VWA3B: variants seen among roughly 807,000 people sequenced by gnomAD.
The protein encoded by VWA3B is von Willebrand factor A domain containing 3B.
In VWA3B, 138 loss-of-function variants were observed where a neutral mutation model predicts 158.3. That is an observed-to-expected ratio of 0.87 (90% CI 0.76 to 1.00). The LOEUF is 1.00. Ranked by LOEUF, VWA3B falls within the 50% of genes least tolerant of loss-of-function variation. The probability of loss-of-function intolerance (pLI) is 0.00; values close to 1 mark genes in which losing one functional copy is unlikely to be tolerated. For synonymous variants in VWA3B, 596 were observed against 587.3 expected, an observed-to-expected ratio of 1.01 and a Z score of -0.21; for missense variants, 1,555 against 1,565.1, an observed-to-expected ratio of 0.99 and a Z score of 0.11.
intron 19 of VWA3B, 30 bp downstream of exon 19, chr2:98,236,760 G>A (rs753942375): frequency 6.4e-7 from 1 of 1,570,790 alleles, no homozygotes; most frequent in Non-Finnish European, 8.6e-7. Context: ...GTCCCTACTT[G>A]AGGCCATTTT....
chr2:98,146,453 A>G (rs142117802), intron 7 of VWA3B, among the ~76,000 whole-genome samples: 19 of 152,258 alleles, frequency 1.2e-4, no homozygotes, highest in African/African-American at 4.3e-4. Flanking sequence ...GTTCCTGCAT[A>G]TAAGTTTGTT....
intron 8 of VWA3B, among the ~76,000 whole-genome samples, chr2:98,163,408 C>A (rs1032036788): frequency 1.3e-5 from 2 of 152,000 alleles, no homozygotes; most frequent in African/African-American, 2.4e-5. Flanking sequence ...TGTGGTGGCC[C>A]GTGCCTGTAA....
At chr2:98,244,733 A>G (rs971671213) in intron 19 of VWA3B, among the ~76,000 whole-genome samples, 1 of 152,210 alleles carries the variant, frequency 6.6e-6, no homozygotes, top group African/African-American at 2.4e-5. Flanking sequence ...GACACACAAC[A>G]AAACTGCAAT....
At position 98,125,561 on chromosome 2, in the gene VWA3B, C is replaced by G. The variant is rs1412950091; in HGVS notation, c.703-2678C>G. On this transcript the variant is annotated intron_variant, in intron 5 of 27. Coordinates refer to ENST00000477737, the MANE Select transcript of VWA3B (RefSeq NM_144992.5). The surrounding 1 kb of genome is among the most constrained non-coding windows in gnomAD (Gnocchi z 4.1). ...GAGATAATTCATTTTAGTTTATCAT[C>G]CCAAATAGCCAACAGTATTAAAGCC... 1.3e-5 allele frequency among the ~76,000 whole-genome samples: 2 copies of G among 152,244 alleles called. No individual in the cohort carries two copies. The highest frequency in any genetic ancestry group is 2.4e-5 in the African/African-American group (1 of 41,454).
At chr2:98,110,539 T>A (rs1674059804) in intron 2 of VWA3B, among the ~76,000 whole-genome samples, 1 of 152,218 alleles carries the variant, frequency 6.6e-6, no homozygotes, top group Non-Finnish European at 1.5e-5. Context: ...ATCTTCCTGG[T>A]TTTTTGAATG....
intron 8 of VWA3B, among the ~76,000 whole-genome samples, chr2:98,173,058 A>G (rs1192041409): frequency 6.6e-6 from 1 of 152,220 alleles, no homozygotes; most frequent in Non-Finnish European, 1.5e-5. Flanking sequence ...AGTGTACTAG[A>G]TGAAGACTAT....
intron 7 of VWA3B, among the ~76,000 whole-genome samples, chr2:98,160,129 C>A (rs545266518): frequency 1.6e-4 from 25 of 152,226 alleles, no homozygotes; most frequent in Middle Eastern, 6.8e-3. Flanking sequence ...TCCTGTGCCC[C>A]CATCGTCTTC....
In VWA3B at chr2:98,275,209, A is replaced by G. The variant is rs575709006; in HGVS notation, c.3045+4326A>G. On this transcript the variant is annotated intron_variant, in intron 22 of 27. Transcript: ENST00000477737. ...CTTGTAGGCATGCATACATATTTCA[A>G]TGAATAAATGAAAGAACAAACACAG... Among the ~76,000 whole-genome samples the G allele has an allele frequency of 2.6e-5, 4 of 152,380 alleles. No homozygotes were observed. The East Asian group carries it at 7.7e-4, about 29-fold the overall frequency.
intron 17 of VWA3B, among the ~76,000 whole-genome samples, chr2:98,235,601 T>G (rs1685629701): frequency 6.6e-6 from 1 of 152,196 alleles, no homozygotes; most frequent in African/African-American, 2.4e-5. Context: ...AATTTTTGTA[T>G]TTTTAGTAGA....
At chr2:98,298,443 T>TATTCTATTCTATTCTATTCC (rs1409392020) in intron 24 of VWA3B, among the ~76,000 whole-genome samples, 1 of 121,626 alleles carries the variant, frequency 8.2e-6, no homozygotes, top group African/African-American at 3.0e-5. Context: ...TATTCTATTC[T>TATTCTATTCTATTCTATTCC]ATGCCATGCC....
chr2:98,188,431 G>A (rs1681308521), intron 10 of VWA3B, among the ~76,000 whole-genome samples: 2 of 152,046 alleles, frequency 1.3e-5, no homozygotes, highest in Non-Finnish European at 2.9e-5. Flanking sequence ...CAGAGCTGCA[G>A]AATACCAGAG....
intron 2 of VWA3B, among the ~76,000 whole-genome samples, chr2:98,103,624 A>T (rs1034218163): frequency 6.6e-6 from 1 of 152,186 alleles, no homozygotes; most frequent in African/African-American, 2.4e-5. Context: ...AATTACATTG[A>T]GGTCAGAGAA....
At chr2:98,179,296 T>TA in intron 8 of VWA3B, 1 of 471,194 alleles carries the variant, frequency 2.1e-6, no homozygotes. Context: ...GCTTGTGTGA[T>TA]ATGCTGGCTT....
At chr2:98,201,744 GC>G (rs907159242) in intron 12 of VWA3B, among the ~76,000 whole-genome samples, 3 of 152,120 alleles carry the variant, frequency 2.0e-5, no homozygotes, top group Non-Finnish European at 4.4e-5. Context: ...CATCTGTTGA[GC>G]TTTTGATTTT....
rs758667473 is a variant in VWA3B, at chr2:98,311,847, T to G, written c.3550T>G (p.Phe1184Val). The G allele has an allele frequency of 6.2e-7, 1 of 1,611,168 alleles. No homozygotes were observed. Among genetic ancestry groups the G allele is most frequent in the East Asian group, 2.2e-5 (1 of 44,838 alleles). ...VEDVEARNSA[F>V]LFWPLKEADT... ...GGATGTGGAGGCGAGGAACTCTGCT[T>G]TCCTCTTCTGGCCACTGAAAGAAGC... The change falls in exon 27 of 28, where the codon TTC (phenylalanine) becomes GTC (valine). Residue 1184 changes from phenylalanine to valine, a missense_variant. Transcript: ENST00000477737.
At chr2:98,144,230 C>G (rs1033834984) in intron 7 of VWA3B, among the ~76,000 whole-genome samples, 4 of 152,040 alleles carry the variant, frequency 2.6e-5, no homozygotes, top group Non-Finnish European at 4.4e-5. Context: ...TCTATGGTCT[C>G]TAGCACACAG....
chr2:98,314,797 T>C (rs776816289), downstream of VWA3B, among the ~76,000 whole-genome samples: 1 of 151,912 alleles, frequency 6.6e-6, no homozygotes, highest in Non-Finnish European at 1.5e-5. Flanking sequence ...CCGAGGTGGG[T>C]GGATCACCTG....
At chr2:98,272,826 T>C (rs1457241834) in intron 22 of VWA3B, among the ~76,000 whole-genome samples, 2 of 152,240 alleles carry the variant, frequency 1.3e-5, no homozygotes, top group African/African-American at 4.8e-5. Context: ...TGGTCATAAA[T>C]GGACCAATGC....
Position 98,211,638 on chromosome 2 carries a change from A to G in VWA3B, c.1738-292A>G, listed in dbSNP as rs573161960. Among the ~76,000 whole-genome samples, 11 of 152,340 alleles carry G rather than the reference A, an allele frequency of 7.2e-5. No homozygotes were observed. In the East Asian group the frequency reaches 2.1e-3, roughly 29 times the overall value. ...CAGACGAGTGAGCAGTAACTGAGTT[A>G]GCATCTCATGTAGAAACACAAAAAA... On this transcript the variant is annotated intron_variant, in intron 12 of 27. Transcript: ENST00000477737.
Sources: gnomAD v4.1 joint callset for allele counts (sites outside exome capture counted in the v4.1 genomes callset) on GRCh38, gnomAD v4.1.1 for gene constraint, Gnocchi (gnomAD v3.1) non-coding constraint, MANE v1.5 for transcripts, NCBI Gene and HGNC (gene_info 2026-07-23, HGNC 2026-07-21) for gene names.